The following ARHGAP28 variants were observed in gnomAD, a reference collection of about 807,000 sequenced individuals.
ARHGAP28 encodes the protein rho GTPase-activating protein 28.
A neutral mutation model predicts 90.7 loss-of-function variants in ARHGAP28; 56 were observed. That is an observed-to-expected ratio of 0.62 (90% CI 0.50 to 0.77). The LOEUF (loss-of-function observed/expected upper bound fraction) is 0.77. Among genes scored for constraint, ARHGAP28 ranks in the 30% least tolerant of loss-of-function variants. ARHGAP28 has a pLI of 0.00. For missense variants in ARHGAP28, 869 were observed against 900.9 expected, an observed-to-expected ratio of 0.96 and a Z score of 0.45; for synonymous variants, 308 against 323.3, an observed-to-expected ratio of 0.95 and a Z score of 0.51.
At chr18:6,821,059 G>A (rs952165534) in intron 1 of ARHGAP28, among the ~76,000 whole-genome samples, 1 of 152,128 alleles carries the variant, frequency 6.6e-6, no homozygotes, top group African/African-American at 2.4e-5. Context: ...AACTATTGGG[G>A]GATGTAAACA....
At chr18:6,881,019 C>T (rs1283103109) in intron 10 of ARHGAP28, among the ~76,000 whole-genome samples, 2 of 152,202 alleles carry the variant, frequency 1.3e-5, no homozygotes, top group Non-Finnish European at 2.9e-5. Flanking sequence ...AGATTGAAAG[C>T]TTCTCCAGGG....
chr18:6,806,044 C>A (rs1023769181), intron 1 of ARHGAP28, among the ~76,000 whole-genome samples: 7 of 151,906 alleles, frequency 4.6e-5, no homozygotes, highest in Admixed American at 4.6e-4. Flanking sequence ...GCCACCAGGA[C>A]TGGCTAATTG....
At chr18:6,760,483 C>T (rs566704737) in intron 1 of ARHGAP28, among the ~76,000 whole-genome samples, 18 of 152,282 alleles carry the variant, frequency 1.2e-4, no homozygotes, top group African/African-American at 3.8e-4. Flanking sequence ...AAATGCATGA[C>T]TTCTGTGAAA....
At chr18:6,840,291 G>A (rs1288805674) in intron 3 of ARHGAP28, among the ~76,000 whole-genome samples, 1 of 152,202 alleles carries the variant, frequency 6.6e-6, no homozygotes, top group Non-Finnish European at 1.5e-5. Flanking sequence ...TCTATTTCCA[G>A]ATGCTTCAGA....
Position 6,852,520 on chromosome 18 carries a change from A to AAATCTAAGG in ARHGAP28, c.636+1397_636+1405dup, listed in dbSNP as rs538262825. ...ATATCTGTTTGCTTCATATAAAAGA[A>AAATCTAAGG]AATCTAAGGAACTTAATTTTAAGCA... On this transcript the variant is annotated intron_variant, in intron 4 of 17. Coordinates refer to ENST00000383472, the MANE Select transcript of ARHGAP28 (RefSeq NM_001366230.1). Among the ~76,000 whole-genome samples the AAATCTAAGG allele has an allele frequency of 1.2e-4, 19 of 152,372 alleles. 1 individual carries two copies. The South Asian group carries it at 2.1e-3, about 17-fold the overall frequency.
intron 1 of ARHGAP28, chr18:6,730,234 T>TATATATATATATATATATATATATAC: frequency 4.9e-6 from 1 of 203,286 alleles, no homozygotes; most frequent in East Asian, 1.0e-4. Context: ...TATATATATA[T>TATATATATATATATATATATATATAC]ATACCTCATT....
intron 14 of ARHGAP28, among the ~76,000 whole-genome samples, chr18:6,891,223 G>A (rs1215949716): frequency 2.0e-5 from 3 of 152,190 alleles, no homozygotes. Context: ...GAAGCACCAG[G>A]CCAGCTGTGC....
intron 1 of ARHGAP28, among the ~76,000 whole-genome samples, chr18:6,737,213 G>T (rs2055936767): frequency 6.6e-6 from 1 of 152,102 alleles, no homozygotes; most frequent in South Asian, 2.1e-4. Context: ...AGCCTCTTTG[G>T]ATGAAAATAA....
intron 1 of ARHGAP28, among the ~76,000 whole-genome samples, chr18:6,816,548 C>T (rs111401677): frequency 0.039 from 5,945 of 152,236 alleles, 189 homozygotes; most frequent in Non-Finnish European, 0.058. Context: ...CATTCAACGG[C>T]AGTGACAAAT....
At chr18:6,752,061 G>C (rs1236946023) in intron 1 of ARHGAP28, among the ~76,000 whole-genome samples, 3 of 152,066 alleles carry the variant, frequency 2.0e-5, no homozygotes, top group African/African-American at 7.2e-5. Context: ...AGAGTAATTT[G>C]ATTATATTTT....
At chr18:6,892,767 A>G (rs2057275957) in intron 14 of ARHGAP28, among the ~76,000 whole-genome samples, 2 of 152,224 alleles carry the variant, frequency 1.3e-5, no homozygotes, top group Non-Finnish European at 2.9e-5. Flanking sequence ...TAGGTTAATG[A>G]TAACTAATGA....
intron 1 of ARHGAP28, among the ~76,000 whole-genome samples, chr18:6,815,080 A>G (rs1267618113): frequency 6.6e-6 from 1 of 152,354 alleles, no homozygotes; most frequent in Non-Finnish European, 1.5e-5. Context: ...TAATGTGTTA[A>G]GAGTCACTTG....
intron 3 of ARHGAP28, among the ~76,000 whole-genome samples, chr18:6,844,579 A>C (rs2056852105): frequency 1.3e-5 from 2 of 152,244 alleles, no homozygotes; most frequent in Admixed American, 1.3e-4. Context: ...GATTTATTGC[A>C]CAATTAAATT....
At chr18:6,825,085 G>C (rs1233548737) in intron 2 of ARHGAP28, 121 bp downstream of exon 2, 2 of 937,208 alleles carry the variant, frequency 2.1e-6, no homozygotes, top group East Asian at 5.4e-5. Context: ...GTAGAATCTG[G>C]CATATTGATG....
At chr18:6,814,756 TAGAG>T (rs2056579235) in intron 1 of ARHGAP28, among the ~76,000 whole-genome samples, 1 of 152,170 alleles carries the variant, frequency 6.6e-6, no homozygotes, top group Non-Finnish European at 1.5e-5. Context: ...CATTAAGCAA[TAGAG>T]AGAATATGTA....
intron 1 of ARHGAP28, among the ~76,000 whole-genome samples, chr18:6,741,650 A>T (rs1024448307): frequency 6.6e-6 from 1 of 152,164 alleles, no homozygotes; most frequent in African/African-American, 2.4e-5. Flanking sequence ...AATAGCACCA[A>T]TTCTCTTTAG....
chr18:6,842,028 G>T (rs1402763898), intron 3 of ARHGAP28, among the ~76,000 whole-genome samples: 1 of 152,088 alleles, frequency 6.6e-6, no homozygotes. Flanking sequence ...TTTTGGCCAT[G>T]GCTGTTTTAA....
rs2057407190 is a variant in ARHGAP28, at chr18:6,913,039, C to T, written c.*885C>T. ...TTTATATTTCACAACTATAGACAGT[C>T]ACTTCTGCAGTCCCAATTTAAAAAT... On this transcript the variant is annotated 3_prime_UTR_variant, in exon 18 of 18. Transcript: ENST00000383472. 6.6e-6 allele frequency: 1 copy of T among 152,220 alleles called. No homozygotes were observed. The highest frequency in any genetic ancestry group is 2.1e-4 in the South Asian group (1 of 4,826). 9.4% of individuals were successfully genotyped at this position (152,220 alleles called of 1,614,324 possible).
Position 6,729,770 on chromosome 18 carries a change from G to C in ARHGAP28, c.-52G>C. 3.0e-6 allele frequency: 4 copies of C among 1,339,112 alleles called. No homozygotes were observed. The highest frequency in any genetic ancestry group is 3.8e-6 in the Non-Finnish European group (4 of 1,048,580). The allele number at this position is 1,339,112 out of a possible 1,614,324, so 83.0% of individuals were successfully genotyped here. ...ACAGCCTCCCGGCGCGCCGGTCCAT[G>C]CTGGTCCCGGTCTTTGTTCTGGGGC... On this transcript the variant is annotated 5_prime_UTR_variant, in exon 1 of 18. An upstream start codon of the reference 5' UTR is lost. Coordinates refer to ENST00000383472, the MANE Select transcript of ARHGAP28 (RefSeq NM_001366230.1).
Sources: allele counts gnomAD v4.1 joint callset (sites outside exome capture counted in the v4.1 genomes callset), GRCh38; gene constraint gnomAD v4.1.1; transcripts MANE v1.5; gene names NCBI Gene and HGNC (gene_info 2026-07-23, HGNC 2026-07-21).